Variants in CNBD1 observed in about 807,000 individuals in gnomAD.
CNBD1 encodes the protein cyclic nucleotide binding domain containing 1.
Under a neutral mutation model 54.4 loss-of-function variants are expected in CNBD1, and 71 were observed. The ratio of observed to expected loss-of-function variants is 1.30; its 90% CI spans 1.08 to 1.59. The LOEUF (loss-of-function observed/expected upper bound fraction) is 1.59, where lower values mean the gene tolerates loss of function less well. CNBD1 is among the 40% of genes most tolerant of loss of function. The pLI is 0.00. For synonymous variants in CNBD1, 182 were observed against 170.7 expected (o/e 1.07, Z -0.51); for missense variants, 659 against 518.0 (o/e 1.27, Z -2.64).
At chr8:86,890,573 T>C (rs913255290) in intron 2 of CNBD1, among the ~76,000 whole-genome samples, 7 of 152,128 alleles carry the variant, frequency 4.6e-5, no homozygotes, top group Non-Finnish European at 1.0e-4. Flanking sequence ...CTTCCACATA[T>C]TGATTTCAGT....
At chr8:87,112,766 G>A (rs1033173784) in intron 4 of CNBD1, among the ~76,000 whole-genome samples, 21 of 152,106 alleles carry the variant, frequency 1.4e-4, no homozygotes, top group African/African-American at 5.1e-4. Context: ...TTGTCCAGTG[G>A]TGGGGACTTT....
At chr8:87,208,312 A>G (rs539561981) in intron 5 of CNBD1, among the ~76,000 whole-genome samples, 5 of 152,268 alleles carry the variant, frequency 3.3e-5, no homozygotes, top group Admixed American at 6.5e-5. Context: ...GGAAAACAAT[A>G]TTATATTTCT....
chr8:87,278,324 A>C (rs1435449637), intron 6 of CNBD1, among the ~76,000 whole-genome samples: 1 of 151,570 alleles, frequency 6.6e-6, no homozygotes, highest in Non-Finnish European at 1.5e-5. Flanking sequence ...AAAGACATCT[A>C]ATAACAGATT....
intron 4 of CNBD1, among the ~76,000 whole-genome samples, chr8:87,039,142 T>A (rs1294203752): frequency 1.3e-5 from 2 of 152,236 alleles, no homozygotes; most frequent in Non-Finnish European, 2.9e-5. Flanking sequence ...TATATCTTTT[T>A]AAATTCTTTG....
rs138729860 is a variant in CNBD1 at position 87,363,929 on chromosome 8, C to T, written c.1303+10143C>T. ...GTGTTTTATTCATGAAGTCCTTGCC[C>T]ATGCCTATGTCCTGAATGGTATTGC... On this transcript the variant is annotated intron_variant, in intron 10 of 10. Coordinates refer to ENST00000518476, the MANE Select transcript of CNBD1 (RefSeq NM_173538.3). Among the ~76,000 whole-genome samples the T allele has an allele frequency of 6.0e-3, 897 of 149,422 alleles. 9 individuals carry two copies. The highest frequency in any genetic ancestry group is 0.01 in the Non-Finnish European group (701 of 67,578).
At chr8:87,145,868 G>T (rs1295850814) in intron 4 of CNBD1, among the ~76,000 whole-genome samples, 1 of 151,970 alleles carries the variant, frequency 6.6e-6, no homozygotes, top group Non-Finnish European at 1.5e-5. Context: ...ATACTTAACT[G>T]GTGTGTTCAA....
intron 4 of CNBD1, among the ~76,000 whole-genome samples, chr8:87,097,039 C>T (rs1811334607): frequency 6.6e-6 from 1 of 152,016 alleles, no homozygotes; most frequent in Non-Finnish European, 1.5e-5. Context: ...TTTTTATTTC[C>T]AGAGTACTAC....
intron 6 of CNBD1, 126 bp from the exon 7 acceptor site, chr8:87,284,552 A>C: frequency 1.4e-6 from 1 of 707,556 alleles, no homozygotes; most frequent in Middle Eastern, 2.5e-4. Flanking sequence ...GGAGCCATCC[A>C]TGCAGAGACA....
At chr8:86,958,451 G>T (rs766489535) in intron 4 of CNBD1, among the ~76,000 whole-genome samples, 9 of 152,132 alleles carry the variant, frequency 5.9e-5, no homozygotes, top group Non-Finnish European at 1.0e-4. Context: ...CATTATTATT[G>T]TGTGGGAGTC....
At chr8:87,165,641 T>C (rs1439756835) in intron 4 of CNBD1, among the ~76,000 whole-genome samples, 2 of 151,936 alleles carry the variant, frequency 1.3e-5, no homozygotes, top group East Asian at 3.9e-4. Flanking sequence ...CTATGTGTCC[T>C]TAAAGCTAAA....
At chr8:86,984,210 T>C (rs1311351075) in intron 4 of CNBD1, among the ~76,000 whole-genome samples, 1 of 152,118 alleles carries the variant, frequency 6.6e-6, no homozygotes, top group African/African-American at 2.4e-5. Context: ...CACATGATAT[T>C]GAGTCTGTGA....
chr8:87,302,880 A>T (rs201030371), intron 8 of CNBD1, among the ~76,000 whole-genome samples: 14 of 152,130 alleles, frequency 9.2e-5, no homozygotes, highest in East Asian at 3.9e-4. Flanking sequence ...TAAACTCCCA[A>T]TCACAATTGC....
intron 2 of CNBD1, among the ~76,000 whole-genome samples, chr8:87,422,672 T>C (rs1376431215): frequency 1.3e-5 from 2 of 152,176 alleles, no homozygotes; most frequent in Non-Finnish European, 2.9e-5. Flanking sequence ...TTTTGGTTAC[T>C]GTAGCCTTGT....
chr8:87,391,044 G>T (rs548152691), intron 2 of CNBD1, among the ~76,000 whole-genome samples: 1 of 144,888 alleles, frequency 6.9e-6, no homozygotes, highest in Non-Finnish European at 1.5e-5. Flanking sequence ...TGAACAAAGA[G>T]AACCCATGGA....
chr8:87,348,285 C>T (rs1192282861), intron 8 of CNBD1, among the ~76,000 whole-genome samples: 2 of 152,076 alleles, frequency 1.3e-5, no homozygotes, highest in African/African-American at 2.4e-5. Flanking sequence ...AATAAATATA[C>T]ATTTTTAATA....
rs1179493833 is a variant in CNBD1, at chr8:87,413,192, T to C, written c.214-15354T>C. On this transcript the variant is annotated intron_variant, in intron 2 of 7. Transcript: ENST00000521593. Reference sequence around the variant, plus strand: ...TGGATGAGGCTATGACACAGGGTTGTGAAATTACAGCTATCTGGGAACAAA... The same window carrying C: ...TGGATGAGGCTATGACACAGGGTTGCGAAATTACAGCTATCTGGGAACAAA... 2.6e-5 allele frequency among the ~76,000 whole-genome samples: 4 copies of C among 152,158 alleles called. No individual in the cohort carries two copies. The East Asian group carries it at 7.8e-4, about 29-fold the overall frequency.
chr8:87,417,712 A>T (rs1439531084), intron 2 of CNBD1, among the ~76,000 whole-genome samples: 1 of 151,892 alleles, frequency 6.6e-6, no homozygotes, highest in Non-Finnish European at 1.5e-5. Context: ...ACAGTCTAAA[A>T]ATGAAATTAA....
chr8:87,361,643 C>T (rs1260794231), intron 10 of CNBD1, among the ~76,000 whole-genome samples: 1 of 150,568 alleles, frequency 6.6e-6, no homozygotes, highest in Non-Finnish European at 1.5e-5. Flanking sequence ...TACTTTGCCC[C>T]AGCAATTCCA....
At chr8:87,164,706 TTTTG>T (rs973481388) in intron 4 of CNBD1, among the ~76,000 whole-genome samples, 1 of 151,586 alleles carries the variant, frequency 6.6e-6, no homozygotes, top group Non-Finnish European at 1.5e-5. Context: ...GTTTCATAAA[TTTTG>T]TTTATCTTGT....
Sources: gnomAD v4.1 joint callset for allele counts (sites outside exome capture counted in the v4.1 genomes callset) on GRCh38, gnomAD v4.1.1 for gene constraint, MANE v1.5 for transcripts, NCBI Gene and HGNC (gene_info 2026-07-23, HGNC 2026-07-21) for gene names.